Variants in P2RY8 observed in about 807,000 individuals in gnomAD.
P2RY8 encodes the protein P2Y receptor family member 8, also known as S-geranylgeranyl-glutathione receptor P2RY8.
In P2RY8, 6 loss-of-function variants were observed where a neutral mutation model predicts 10.0. The ratio of observed to expected loss-of-function variants is 0.60; its 90% CI spans 0.33 to 1.19. The LOEUF (loss-of-function observed/expected upper bound fraction) is 1.19, where lower values mean the gene tolerates loss of function less well. Among genes scored for constraint, P2RY8 ranks in the 50% most tolerant of loss-of-function variants. The pLI is 0.04. For missense variants in P2RY8, 456 were observed against 542.0 expected (o/e 0.84, Z 1.58); for synonymous variants, 276 against 252.5 (o/e 1.09, Z -0.88).
At chrX:1,507,909 G>C (rs181002588) in intron 1 of P2RY8, among the ~76,000 whole-genome samples, 1 of 152,134 alleles carries the variant, frequency 6.6e-6, no homozygotes, top group Non-Finnish European at 1.5e-5. Flanking sequence ...AGCCCCGTCT[G>C]GCACTCAACA....
Sources: gnomAD v4.1 joint callset for allele counts (sites outside exome capture counted in the v4.1 genomes callset) on GRCh38, gnomAD v4.1.1 for gene constraint, MANE v1.5 for transcripts, NCBI Gene and HGNC (gene_info 2026-07-23, HGNC 2026-07-21) for gene names.